The following CIB4 variants were observed in gnomAD, a reference collection of about 807,000 sequenced individuals.
CIB4 encodes calcium and integrin-binding family member 4.
A neutral mutation model predicts 25.8 loss-of-function variants in CIB4; 25 were observed. That is an observed-to-expected ratio of 0.97 (90% CI 0.71 to 1.35). The LOEUF (loss-of-function observed/expected upper bound fraction) is 1.35, where lower values mean the gene tolerates loss of function less well. Ranked by LOEUF, CIB4 falls within the 40% of genes most tolerant of loss-of-function variation. The pLI, the probability that CIB4 is intolerant of heterozygous loss-of-function variation, is 0.00. For missense variants in CIB4, 235 were observed against 228.2 expected, an observed-to-expected ratio of 1.03 and a Z score of -0.19; for synonymous variants, 75 against 81.4, an observed-to-expected ratio of 0.92 and a Z score of 0.42.
At chr2:26,619,057 G>A (rs929785199) in intron 3 of CIB4, among the ~76,000 whole-genome samples, 2 of 152,190 alleles carry the variant, frequency 1.3e-5, no homozygotes, top group Admixed American at 6.5e-5. Context: ...CCCCATGACC[G>A]AACTCGGTGC....
At chr2:26,598,788 C>T (rs1668730036) in intron 3 of CIB4, among the ~76,000 whole-genome samples, 1 of 152,174 alleles carries the variant, frequency 6.6e-6, no homozygotes, top group South Asian at 2.1e-4. Context: ...AGAGCAGCTC[C>T]AGTCAAAGGG....
chr2:26,622,625 G>A (rs913531852), intron 3 of CIB4, among the ~76,000 whole-genome samples: 8 of 152,040 alleles, frequency 5.3e-5, no homozygotes, highest in Non-Finnish European at 1.0e-4. Flanking sequence ...TTGAGAAGAG[G>A]AAATGTGGCA....
At chr2:26,623,167 A>G (rs1442337417) in intron 3 of CIB4, among the ~76,000 whole-genome samples, 1 of 151,522 alleles carries the variant, frequency 6.6e-6, no homozygotes, top group East Asian at 1.9e-4. Context: ...ACATGACAAG[A>G]CTCCATCTCT....
chr2:26,590,461 CTG>C (rs1455264558), intron 4 of CIB4, among the ~76,000 whole-genome samples: 1 of 152,104 alleles, frequency 6.6e-6, no homozygotes, highest in Admixed American at 6.6e-5. Flanking sequence ...TACTGCTGCT[CTG>C]TGGGCCACAC....
intron 3 of CIB4, among the ~76,000 whole-genome samples, chr2:26,604,002 TAAA>T (rs1213333682): frequency 1.9e-5 from 2 of 103,240 alleles, no homozygotes; most frequent in Admixed American, 9.9e-5. Context: ...GAGCATACCT[TAAA>T]AAAAAAAAAA....
At chr2:26,629,546 G>A (rs1669376556) in intron 2 of CIB4, 40 bp from the exon 3 acceptor site, 15 of 1,378,916 alleles carry the variant, frequency 1.1e-5, no homozygotes, top group Non-Finnish European at 1.5e-5. Flanking sequence ...CCGGGGAAAG[G>A]AGGCCAGCAC....
intron 4 of CIB4, among the ~76,000 whole-genome samples, chr2:26,594,443 A>T (rs940895664): frequency 6.6e-6 from 1 of 152,224 alleles, no homozygotes; most frequent in Non-Finnish European, 1.5e-5. Context: ...GGAGTCCACC[A>T]TGTGGAGACT....
chr2:26,595,345 AG>A, intron 3 of CIB4, 28 bp from the exon 4 acceptor site: 1 of 1,602,642 alleles, frequency 6.2e-7, no homozygotes, highest in Non-Finnish European at 8.5e-7. Flanking sequence ...AGCAGGGAGG[AG>A]GTCTATCAGG....
Position 26,589,072 on chromosome 2 carries a change from CTCTTCTTCTTCTTCTTCTTCT to C in CIB4, c.329-5195_329-5175del, listed in dbSNP as rs1184325583. Among the ~76,000 whole-genome samples the C allele has an allele frequency of 1.7e-4, 7 of 40,834 alleles. 1 individual carries two copies. The highest frequency in any genetic ancestry group is 9.6e-4 in the African/African-American group (7 of 7,268). 26.8% of individuals were successfully genotyped at this position (40,834 alleles called of 152,430 possible). A position where few individuals can be genotyped will look rare whatever the true frequency, so the allele number is the denominator to read the frequency against. On this transcript the variant is annotated intron_variant, in intron 4 of 6. Transcript: ENST00000288861. ...CTTCTTCTTCTTCCTCTTCCTCTTC[CTCTTCTTCTTCTTCTTCTTCT>C]TCTTCTTCTTCTTCCTCTTCTTCTT...
intron 3 of CIB4, among the ~76,000 whole-genome samples, chr2:26,614,561 T>C (rs934170516): frequency 6.6e-6 from 1 of 152,218 alleles, no homozygotes; most frequent in Admixed American, 6.5e-5. Context: ...GCAGAGTCGG[T>C]GCACCACAGG....
At chr2:26,589,093 T>TTCC (rs879864343) in intron 4 of CIB4, among the ~76,000 whole-genome samples, 2,332 of 92,804 alleles carry the variant, frequency 0.025, 429 homozygotes, top group Non-Finnish European at 0.026. Flanking sequence ...CTTCTTCTTC[T>TTCC]TCTTCTTCTT....
At chr2:26,610,388 C>T (rs961728636) in intron 3 of CIB4, among the ~76,000 whole-genome samples, 4 of 152,216 alleles carry the variant, frequency 2.6e-5, no homozygotes, top group Admixed American at 6.5e-5. Flanking sequence ...CACCCACTGC[C>T]CCACGCTCAG....
intron 4 of CIB4, among the ~76,000 whole-genome samples, chr2:26,594,911 C>A (rs750131308): frequency 6.6e-6 from 1 of 152,162 alleles, no homozygotes; most frequent in African/African-American, 2.4e-5. Flanking sequence ...TCTCGCCTGC[C>A]CACACACCAC....
intron 2 of CIB4, among the ~76,000 whole-genome samples, chr2:26,635,722 A>G (rs1669519979): frequency 6.6e-6 from 1 of 152,096 alleles, no homozygotes; most frequent in Non-Finnish European, 1.5e-5. Context: ...GCCCACACCA[A>G]CCCTAACATA....
At chr2:26,587,601 G>A (rs1276591174) in intron 4 of CIB4, among the ~76,000 whole-genome samples, 3 of 151,944 alleles carry the variant, frequency 2.0e-5, no homozygotes, top group African/African-American at 4.8e-5. Context: ...AGTATAGAAG[G>A]TTAGATATAA....
At position 26,606,730 on chromosome 2, in the gene CIB4, G is replaced by A. The variant is rs534940946; in HGVS notation, c.187-11413C>T. Among the ~76,000 whole-genome samples, 418 of 152,164 alleles carry A rather than the reference G, an allele frequency of 2.7e-3. 5 individuals carry two copies. The highest frequency in any genetic ancestry group is 9.5e-3 in the African/African-American group (396 of 41,488). ...TGAATGCACTTCCTCTATTGTCCGG[G>A]GCCCTGGAGGCATCTTTCCTGCTAA... On this transcript the variant is annotated intron_variant, in intron 3 of 6. Transcript: ENST00000288861.
intron 3 of CIB4, among the ~76,000 whole-genome samples, chr2:26,602,358 G>A (rs151078894): frequency 1.5e-3 from 233 of 152,214 alleles, no homozygotes; most frequent in African/African-American, 4.9e-3. Flanking sequence ...AGTATTCTAG[G>A]GAGTGTATTC....
intron 3 of CIB4, chr2:26,623,739 G>T (rs187053481): frequency 3.4e-4 from 110 of 323,346 alleles, no homozygotes; most frequent in African/African-American, 2.1e-3. Context: ...AAGAGGCCAG[G>T]GGGGTGAGGT....
chr2:26,615,255 T>C (rs1207452291), intron 3 of CIB4, among the ~76,000 whole-genome samples: 1 of 152,076 alleles, frequency 6.6e-6, no homozygotes, highest in Non-Finnish European at 1.5e-5. Context: ...GCAGAATGCC[T>C]CTCCATCCCC....
Sources: gnomAD v4.1 joint callset for allele counts (sites outside exome capture counted in the v4.1 genomes callset) on GRCh38, gnomAD v4.1.1 for gene constraint, MANE v1.5 for transcripts, NCBI Gene and HGNC (gene_info 2026-07-23, HGNC 2026-07-21) for gene names.